Variants in BICD2 observed in about 807,000 individuals in gnomAD.
BICD2 encodes the protein protein bicaudal D homolog 2.
BICD2 carries 25 observed loss-of-function variants against 72.9 expected under a neutral mutation model. The observed-to-expected ratio is 0.34, with a 90% CI of 0.25 to 0.48. The LOEUF is 0.48. Ranked by LOEUF, BICD2 falls within the 20% of genes least tolerant of loss-of-function variation. The pLI is 0.99. For missense variants in BICD2, 894 were observed against 1,175.2 expected, an observed-to-expected ratio of 0.76 and a Z score of 3.50; for synonymous variants, 501 against 516.1, an observed-to-expected ratio of 0.97 and a Z score of 0.40.
intron 2 of BICD2, among the ~76,000 whole-genome samples, chr9:92,727,704 T>C (rs112782794): frequency 1.4e-3 from 218 of 152,286 alleles, no homozygotes; most frequent in African/African-American, 4.8e-3. Context: ...CTGGCCCCTC[T>C]TGCCCCCAAG....
chr9:92,735,483 T>TG (rs948988890), intron 1 of BICD2, among the ~76,000 whole-genome samples: 4 of 151,584 alleles, frequency 2.6e-5, no homozygotes, highest in African/African-American at 9.7e-5. Context: ...AGCAATGACA[T>TG]GGGGGCAGGA....
Position 92,713,561 on chromosome 9 carries a change from G to C in BICD2, c.*1593C>G. On this transcript the variant is annotated 3_prime_UTR_variant, in exon 7 of 7. Coordinates refer to ENST00000356884, the MANE Select transcript of BICD2 (RefSeq NM_001003800.2). Reference sequence around the variant, plus strand: ...CCACGTGCTGGGAGGGCGCGAGCACGTTAGTTGGCAGAAGAGAAGACCTGC... The same window carrying C: ...CCACGTGCTGGGAGGGCGCGAGCACCTTAGTTGGCAGAAGAGAAGACCTGC... The C allele has an allele frequency of 6.5e-7, 1 of 1,546,288 alleles. No homozygotes were observed. The highest frequency in any genetic ancestry group is 2.4e-5 in the East Asian group (1 of 40,954).
chr9:92,738,408 T>C (rs1327725279), intron 1 of BICD2, among the ~76,000 whole-genome samples: 2 of 152,204 alleles, frequency 1.3e-5, no homozygotes, highest in African/African-American at 4.8e-5. Context: ...ACTGTCCTTC[T>C]GCATATGGAA....
At chr9:92,740,294 A>T (rs1008459537) in intron 1 of BICD2, among the ~76,000 whole-genome samples, 3 of 152,236 alleles carry the variant, frequency 2.0e-5, no homozygotes, top group African/African-American at 7.2e-5. Flanking sequence ...ACCACGGAAC[A>T]AAGTAAAAGA....
rs1039623643 is a variant in BICD2, at chr9:92,713,805, C to T, written c.*1349G>A. The stretch of plus-strand genomic sequence containing the variant: ...GCGTGTCCTGGAGTCTGGAGGGGAC[C>T]GAAACATACTCGGCACCAAAGGGAA... On this transcript the variant is annotated 3_prime_UTR_variant, in exon 7 of 7. Coordinates refer to ENST00000356884, the MANE Select transcript of BICD2 (RefSeq NM_001003800.2). 11 of 1,135,546 alleles carry T rather than the reference C, an allele frequency of 9.7e-6. No homozygotes were observed. The highest frequency in any genetic ancestry group is 3.9e-4 in the Middle Eastern group (1 of 2,582). 70.3% of individuals were successfully genotyped at this position (1,135,546 alleles called of 1,614,324 possible).
At position 92,713,329 on chromosome 9, in the gene BICD2, G is replaced by T. The variant is rs1853229973; in HGVS notation, c.*1825C>A. The T allele has an allele frequency of 5.1e-6, 5 of 983,122 alleles. No homozygotes were observed. The highest frequency in any genetic ancestry group is 4.5e-5 in the Admixed American group (2 of 44,058). The allele number at this position is 983,122 out of a possible 1,614,324, so 60.9% of individuals were successfully genotyped here. On this transcript the variant is annotated 3_prime_UTR_variant, in exon 7 of 7. Transcript: ENST00000356884. ...TGCTATTTTGAAAAGAATTGCAGTG[G>T]CATATCCAAAAAGTTTCTAAGTGGG...
At chr9:92,728,937 C>T (rs1853622715) in intron 2 of BICD2, 87 bp downstream of exon 2, 1 of 1,469,038 alleles carries the variant, frequency 6.8e-7, no homozygotes, top group Middle Eastern at 2.3e-4. Flanking sequence ...GAGGCCAGCC[C>T]AGCCCAGCCA....
At chr9:92,749,338 C>A (rs1038055648) in intron 1 of BICD2, among the ~76,000 whole-genome samples, 2 of 152,218 alleles carry the variant, frequency 1.3e-5, no homozygotes, top group African/African-American at 4.8e-5. Context: ...CTGAGGGGCA[C>A]TGGCCCACCC....
intron 1 of BICD2, among the ~76,000 whole-genome samples, chr9:92,729,935 T>C (rs1282105719): frequency 6.6e-6 from 1 of 152,058 alleles, no homozygotes; most frequent in Non-Finnish European, 1.5e-5. Context: ...CAGAAAGGGG[T>C]GCTCACCTAG....
At chr9:92,718,399 C>T (rs1564059351) in intron 5 of BICD2, 140 bp downstream of exon 5, 9 of 1,042,582 alleles carry the variant, frequency 8.6e-6, no homozygotes, top group South Asian at 1.7e-5. Context: ...GGTAGGCAGT[C>T]GAGCTACTAT....
At chr9:92,736,744 C>T (rs1052278117) in intron 1 of BICD2, among the ~76,000 whole-genome samples, 4 of 152,320 alleles carry the variant, frequency 2.6e-5, no homozygotes, top group South Asian at 4.1e-4. Flanking sequence ...TCAGCTGCCT[C>T]GAACTGAGCA....
chr9:92,753,061 G>A (rs1176487033), intron 1 of BICD2, among the ~76,000 whole-genome samples: 5 of 152,128 alleles, frequency 3.3e-5, no homozygotes, highest in Non-Finnish European at 7.3e-5. Flanking sequence ...TGATGAGAAG[G>A]GCATTTACTT....
At chr9:92,763,613 G>A (rs568579283) in intron 1 of BICD2, among the ~76,000 whole-genome samples, 2 of 152,204 alleles carry the variant, frequency 1.3e-5, no homozygotes, top group African/African-American at 4.8e-5. Flanking sequence ...TGGAGTCAGG[G>A]AACGGGAGAA....
At chr9:92,754,235 G>A (rs909879797) in intron 1 of BICD2, among the ~76,000 whole-genome samples, 2 of 152,224 alleles carry the variant, frequency 1.3e-5, no homozygotes, top group Admixed American at 6.5e-5. Context: ...GTGATGTCAC[G>A]GCTGGCAACT....
chr9:92,715,517 C>A, intron 6 of BICD2, 54 bp from the exon 7 acceptor site: 2 of 1,504,518 alleles, frequency 1.3e-6, no homozygotes, highest in Admixed American at 2.0e-5. Flanking sequence ...CAGAGGAGGG[C>A]AGGGCAGGGC....
At chr9:92,736,306 T>C (rs1853787029) in intron 1 of BICD2, among the ~76,000 whole-genome samples, 1 of 152,216 alleles carries the variant, frequency 6.6e-6, no homozygotes, top group Non-Finnish European at 1.5e-5. Flanking sequence ...ATGCTAATTA[T>C]AATACATTAG....
intron 1 of BICD2, among the ~76,000 whole-genome samples, chr9:92,751,934 A>G (rs1009006586): frequency 1.3e-5 from 2 of 151,430 alleles, no homozygotes; most frequent in Non-Finnish European, 2.9e-5. Context: ...CCTCCTGGGT[A>G]GCTGGGATTA....
Position 92,719,518 on chromosome 9 carries a change from G to A in BICD2, c.1127C>T (p.Thr376Met), listed in dbSNP as rs200325192. Residue 376 changes from threonine (T) to methionine (M), a missense_variant, in exon 5 of 7, where the codon ACG becomes ATG. Transcript: ENST00000356884. ...CTGCTGTTCTGACAGGGAGCCCCGC[G>A]TGTGCTCCAGCTGCTTCTGTGTGTC... is the stretch of plus-strand genomic sequence containing the variant. ...LQDTQKQLEH[T>M]RGSLSEQQEK... is the part of the protein sequence containing the mutation. The A allele has an allele frequency of 5.3e-5, 85 of 1,613,358 alleles. No homozygotes were observed. In the East Asian group the frequency reaches 7.4e-4, roughly 14 times the overall value.
Position 92,719,363 on chromosome 9 carries a change from C to A in BICD2, c.1282G>T (p.Asp428Tyr). ...SHEDGDYYEV[D>Y]INGPEILACK... is the part of the protein sequence containing the mutation. Reference sequence around the variant, plus strand: ...GCCAAGATCTCAGGCCCGTTGATGTCCACCTCGTAGTAGTCCCCATCCTCA... The same window carrying A: ...GCCAAGATCTCAGGCCCGTTGATGTACACCTCGTAGTAGTCCCCATCCTCA... The change falls in exon 5 of 7, where the codon GAC becomes TAC. Residue 428 changes from aspartate (D) to tyrosine (Y), a missense_variant. Physicochemically the swap from Asp to Tyr is radical, Grantham distance 160 (BLOSUM62 -3). This residue lies in a region of BICD2 where 371 missense variants were observed against 439.1 expected (regional missense o/e 0.84). Transcript: ENST00000356884. The A allele has an allele frequency of 6.2e-7, 1 of 1,614,242 alleles. No individual in the cohort carries two copies. Among genetic ancestry groups the A allele is most frequent in the Non-Finnish European group, 8.5e-7 (1 of 1,180,044 alleles).
Sources: allele counts gnomAD v4.1 joint callset (sites outside exome capture counted in the v4.1 genomes callset), GRCh38; gene constraint gnomAD v4.1.1; regional missense constraint gnomAD v4.1.1; transcripts MANE v1.5; gene names NCBI Gene and HGNC (gene_info 2026-07-23, HGNC 2026-07-21).